Variants in MTUS2 observed in about 807,000 individuals in gnomAD.
The protein encoded by MTUS2 is microtubule associated scaffold protein 2.
In MTUS2, 40 loss-of-function variants were observed where a neutral mutation model predicts 114.1. That is an observed-to-expected ratio of 0.35 (90% confidence interval 0.27 to 0.46). The LOEUF is 0.46. MTUS2 is among the 20% of genes least tolerant of loss of function. MTUS2 has a pLI of 1.00. For synonymous variants in MTUS2, 688 were observed against 672.0 expected (o/e 1.02, Z -0.37); for missense variants, 1,679 against 1,705.4 (o/e 0.98, Z 0.27).
Position 29,025,274 on chromosome 13 carries a change from G to T in MTUS2, c.576G>T (p.Pro192=). 1 of 1,613,914 alleles carries T rather than the reference G, an allele frequency of 6.2e-7. No individual in the cohort carries two copies. Residue 192 remains proline (P), a synonymous_variant, in exon 3 of 16, where the codon CCG becomes CCT. Transcript: ENST00000612955. ...SSVAAVGSLT[P]QHPQPLSLDS... ...TAGCTGCAGTCGGGAGCCTGACTCC[G>T]CAGCATCCACAGCCTCTATCCCTCG...
chr13:29,012,640 G>A (rs1389962446), intron 2 of MTUS2, among the ~76,000 whole-genome samples: 4 of 151,978 alleles, frequency 2.6e-5, no homozygotes, highest in African/African-American at 4.8e-5. Context: ...TTGGGAGGCC[G>A]AGGCGGGCGG....
At chr13:29,163,209 A>G (rs903011068) in intron 5 of MTUS2, among the ~76,000 whole-genome samples, 32 of 152,186 alleles carry the variant, frequency 2.1e-4, no homozygotes, top group African/African-American at 7.5e-4. Flanking sequence ...TTCACAACAA[A>G]TCATCAAATT....
Position 29,389,991 on chromosome 13 carries a change from A to G in MTUS2, c.3117+30518A>G, listed in dbSNP as rs1281981629. ...TGTATATACACATACATGTATGTGT[A>G]TGTATGTATGTGTATATATACACAT... is the stretch of plus-strand genomic sequence containing the variant. On this transcript the variant is annotated intron_variant, in intron 8 of 15. Coordinates refer to ENST00000612955, the MANE Select transcript of MTUS2 (RefSeq NM_001033602.4). 2.3e-3 allele frequency among the ~76,000 whole-genome samples: 27 copies of G among 11,592 alleles called. 5 individuals are homozygous for G. The highest frequency in any genetic ancestry group is 6.0e-3 in the African/African-American group (26 of 4,356). 7.6% of individuals were successfully genotyped at this position (11,592 alleles called of 152,430 possible).
At chr13:28,922,050 G>A (rs773405660) in intron 2 of MTUS2, among the ~76,000 whole-genome samples, 1 of 152,144 alleles carries the variant, frequency 6.6e-6, no homozygotes, top group Non-Finnish European at 1.5e-5. Context: ...GAGGGGATTG[G>A]ATCATGGGAG....
chr13:29,143,796 G>A (rs967236056), intron 5 of MTUS2, among the ~76,000 whole-genome samples: 1 of 152,134 alleles, frequency 6.6e-6, no homozygotes, highest in Non-Finnish European at 1.5e-5. Context: ...TAATCAAATG[G>A]TATGACCAGA....
chr13:29,240,205 G>A (rs529420299), intron 5 of MTUS2: 24 of 152,196 alleles, frequency 1.6e-4, no homozygotes, highest in African/African-American at 4.8e-4. Flanking sequence ...CAGTTAACAT[G>A]GCCACTGTCT....
chr13:28,831,176 A>T (rs1874648854), intron 1 of MTUS2, among the ~76,000 whole-genome samples: 1 of 152,140 alleles, frequency 6.6e-6, no homozygotes, highest in Non-Finnish European at 1.5e-5. Flanking sequence ...CGGAATGAAA[A>T]TGATATATTG....
chr13:29,389,661 G>GTATATATATATACA (rs1555272609), intron 8 of MTUS2, among the ~76,000 whole-genome samples: 1 of 142,456 alleles, frequency 7.0e-6, no homozygotes, highest in African/African-American at 2.7e-5. Context: ...ACGTATATAT[G>GTATATATATATACA]TATATGTATA....
chr13:29,211,010 G>A (rs911156633), intron 5 of MTUS2, among the ~76,000 whole-genome samples: 7 of 152,150 alleles, frequency 4.6e-5, no homozygotes, highest in Non-Finnish European at 1.0e-4. Flanking sequence ...TTTCTTTGGT[G>A]ATGGGCAGGG....
At chr13:28,847,610 G>C (rs916562921) in intron 2 of MTUS2, among the ~76,000 whole-genome samples, 5 of 152,162 alleles carry the variant, frequency 3.3e-5, no homozygotes, top group Non-Finnish European at 5.9e-5. Context: ...GGTTTTGCAG[G>C]GAAGGCCTCA....
chr13:28,983,530 T>C (rs1412015289), intron 2 of MTUS2, among the ~76,000 whole-genome samples: 2 of 152,248 alleles, frequency 1.3e-5, no homozygotes, highest in Non-Finnish European at 2.9e-5. Flanking sequence ...GTCAATGAAA[T>C]GTATTATTAA....
chr13:29,072,546 A>G (rs1334424399), intron 4 of MTUS2, among the ~76,000 whole-genome samples: 4 of 152,224 alleles, frequency 2.6e-5, no homozygotes, highest in African/African-American at 7.2e-5. Context: ...ATGTCATCAT[A>G]CTACAGTTTT....
chr13:29,091,085 C>T (rs1349307011), intron 4 of MTUS2, among the ~76,000 whole-genome samples: 1 of 152,080 alleles, frequency 6.6e-6, no homozygotes, highest in East Asian at 1.9e-4. Flanking sequence ...CAACCTCCTC[C>T]TCATCAGCCC....
intron 2 of MTUS2, among the ~76,000 whole-genome samples, chr13:28,918,946 G>T (rs1184934974): frequency 1.3e-5 from 2 of 151,976 alleles, no homozygotes; most frequent in Non-Finnish European, 2.9e-5. Context: ...CAAGCAAAAA[G>T]AAAACTAATA....
intron 10 of MTUS2, among the ~76,000 whole-genome samples, chr13:29,481,350 T>A (rs1225785917): frequency 6.6e-6 from 1 of 152,126 alleles, no homozygotes; most frequent in Non-Finnish European, 1.5e-5. Flanking sequence ...GGCGGACGAT[T>A]CAGTGTACCC....
chr13:28,915,875 C>A (rs1306929138), intron 2 of MTUS2, among the ~76,000 whole-genome samples: 1 of 151,812 alleles, frequency 6.6e-6, no homozygotes, highest in Non-Finnish European at 1.5e-5. Context: ...TTGCCCAGGC[C>A]AATGTCCTGG....
At chr13:29,405,642 G>A (rs1387888322) in intron 8 of MTUS2, among the ~76,000 whole-genome samples, 1 of 152,138 alleles carries the variant, frequency 6.6e-6, no homozygotes, top group African/African-American at 2.4e-5. Context: ...TGCTACCAGC[G>A]AGATGCAACA....
chr13:29,247,621 C>A (rs139090725), intron 5 of MTUS2, among the ~76,000 whole-genome samples: 6 of 151,974 alleles, frequency 3.9e-5, no homozygotes, highest in Non-Finnish European at 8.8e-5. Flanking sequence ...AAAGAAGATA[C>A]GTAAATGGCC....
chr13:29,381,112 C>T (rs1208990896), intron 8 of MTUS2, among the ~76,000 whole-genome samples: 3 of 152,122 alleles, frequency 2.0e-5, no homozygotes, highest in African/African-American at 4.8e-5. Context: ...GCCTAGGATC[C>T]TTTCTGCAGC....
Sources: allele counts gnomAD v4.1 joint callset (sites outside exome capture counted in the v4.1 genomes callset), GRCh38; gene constraint gnomAD v4.1.1; transcripts MANE v1.5; gene names NCBI Gene and HGNC (gene_info 2026-07-23, HGNC 2026-07-21).